TMED10: variants seen among roughly 807,000 people sequenced by gnomAD.
The protein encoded by TMED10 is transmembrane emp24 domain-containing protein 10.
Under a neutral mutation model 23.1 loss-of-function variants are expected in TMED10, and 7 were observed. The observed-to-expected ratio is 0.30, with a 90% CI of 0.17 to 0.57. TMED10 has a LOEUF of 0.57. TMED10 is among the 20% of genes least tolerant of loss of function. The pLI, the probability that TMED10 is intolerant of heterozygous loss-of-function variation, is 0.91. For missense variants in TMED10, 162 were observed against 274.8 expected (o/e 0.59, Z 2.90); for synonymous variants, 113 against 106.9 (o/e 1.06, Z -0.35).
chr14:75,147,801 A>AACCG, intron 2 of TMED10, 64 bp from the exon 3 acceptor site: 1 of 1,263,110 alleles, frequency 7.9e-7, no homozygotes, highest in South Asian at 1.3e-5. Context: ...TTACCCACCC[A>AACCG]CCCGCCCGCC....
intron 2 of TMED10, 93 bp from the exon 3 acceptor site, chr14:75,147,830 T>A (rs1434605095): frequency 3.9e-6 from 4 of 1,022,452 alleles, no homozygotes; most frequent in African/African-American, 5.6e-5. Context: ...ACAGAACCCC[T>A]ACCCTCTCAA....
intron 1 of TMED10, among the ~76,000 whole-genome samples, chr14:75,153,826 G>C (rs1373387575): frequency 7.3e-6 from 1 of 136,294 alleles, no homozygotes; most frequent in Non-Finnish European, 1.5e-5. Flanking sequence ...CTGGAGTGCA[G>C]TGGCGTGATC....
At chr14:75,142,996 T>C (rs1240059629) in intron 3 of TMED10, among the ~76,000 whole-genome samples, 13 of 152,102 alleles carry the variant, frequency 8.5e-5, no homozygotes. Flanking sequence ...GTAGCTGGGA[T>C]TACAGGCGCC....
At chr14:75,147,841 T>C (rs1895908126) in intron 2 of TMED10, 104 bp from the exon 3 acceptor site, 1 of 981,774 alleles carries the variant, frequency 1.0e-6, no homozygotes, top group Non-Finnish European at 1.4e-6. Flanking sequence ...ACCCTCTCAA[T>C]AGAGGGAAAC....
intron 1 of TMED10, among the ~76,000 whole-genome samples, chr14:75,161,698 C>T (rs1159132675): frequency 1.3e-5 from 2 of 152,016 alleles, no homozygotes; most frequent in African/African-American, 4.8e-5. Context: ...CTCTGCCCTG[C>T]CCCTAAGCAC....
At position 75,134,976 on chromosome 14, in the gene TMED10, C is replaced by G; in HGVS notation, c.569G>C (p.Ser190Thr). ...AATGAGACAGAACATTGAAAAGATG[C>G]TGAAGTATAGGACCCGAGTGTTTGT... ...ESTNTRVLYF[S>T]IFSMFCLIGL... The change falls in exon 5 of 5, where the codon AGC (serine) becomes ACC (threonine). Residue 190 changes from serine to threonine, a missense_variant. Transcript: ENST00000303575. 6.2e-7 allele frequency: 1 copy of G among 1,613,960 alleles called. No homozygotes were observed. The highest frequency in any genetic ancestry group is 8.5e-7 in the Non-Finnish European group (1 of 1,179,956).
At chr14:75,161,163 A>T (rs1896081009) in intron 1 of TMED10, among the ~76,000 whole-genome samples, 1 of 152,242 alleles carries the variant, frequency 6.6e-6, no homozygotes, top group Non-Finnish European at 1.5e-5. Context: ...CTGGGAAGAT[A>T]AACTCATTTA....
chr14:75,143,183 C>T (rs907872404), intron 3 of TMED10, among the ~76,000 whole-genome samples: 2 of 151,928 alleles, frequency 1.3e-5, no homozygotes, highest in African/African-American at 4.8e-5. Flanking sequence ...TGAGGCCCGC[C>T]GCCTAGGAGA....
At chr14:75,147,880 C>T in intron 2 of TMED10, 143 bp from the exon 3 acceptor site, 1 of 746,732 alleles carries the variant, frequency 1.3e-6, no homozygotes, top group Admixed American at 2.3e-5. Flanking sequence ...TGCTCAGTTG[C>T]AGAAAATTCC....
At chr14:75,172,286 G>A (rs910292581) in intron 1 of TMED10, among the ~76,000 whole-genome samples, 2 of 151,956 alleles carry the variant, frequency 1.3e-5, no homozygotes, top group Non-Finnish European at 1.5e-5. Context: ...ATACTATATG[G>A]ACTGGGTATC....
At chr14:75,150,668 C>T (rs1895944033) in intron 2 of TMED10, among the ~76,000 whole-genome samples, 1 of 152,148 alleles carries the variant, frequency 6.6e-6, no homozygotes, top group Non-Finnish European at 1.5e-5. Context: ...TAGGCTATAC[C>T]ATATAGCCGA....
intron 1 of TMED10, among the ~76,000 whole-genome samples, chr14:75,175,674 G>A (rs1451673085): frequency 6.6e-6 from 1 of 151,596 alleles, no homozygotes; most frequent in East Asian, 1.9e-4. Flanking sequence ...ACACCAACAC[G>A]GCACATGTAT....
intron 1 of TMED10, among the ~76,000 whole-genome samples, chr14:75,155,486 T>C (rs1896010169): frequency 6.6e-6 from 1 of 152,244 alleles, no homozygotes; most frequent in Non-Finnish European, 1.5e-5. Context: ...TGATGAAATA[T>C]GTTAATTAGC....
At chr14:75,141,388 A>C (rs182167067) in intron 3 of TMED10, among the ~76,000 whole-genome samples, 2 of 152,284 alleles carry the variant, frequency 1.3e-5, no homozygotes, top group East Asian at 3.9e-4. Flanking sequence ...TAACTGCCAC[A>C]CACTTGTGCT....
chr14:75,137,477 CCTGG>C (rs1895763843), intron 3 of TMED10, among the ~76,000 whole-genome samples: 1 of 148,086 alleles, frequency 6.8e-6, no homozygotes, highest in Non-Finnish European at 1.5e-5. Flanking sequence ...TCGAGACCAT[CCTGG>C]CTAACACGGT....
chr14:75,142,039 A>G (rs1202033021), intron 3 of TMED10, among the ~76,000 whole-genome samples: 1 of 152,218 alleles, frequency 6.6e-6, no homozygotes, highest in Non-Finnish European at 1.5e-5. Context: ...TGCTCTTGTA[A>G]GCAGTTGATT....
At chr14:75,150,705 G>A (rs1895944461) in intron 2 of TMED10, among the ~76,000 whole-genome samples, 1 of 152,120 alleles carries the variant, frequency 6.6e-6, no homozygotes. Flanking sequence ...TAACATCTAG[G>A]TTTGTGTAAG....
chr14:75,176,317 C>G (rs1475215978), intron 1 of TMED10, 38 bp downstream of exon 1: 9 of 1,610,668 alleles, frequency 5.6e-6, no homozygotes, highest in Non-Finnish European at 7.6e-6. Context: ...CTAAGCCTGC[C>G]GTCTTCCCTC....
At chr14:75,143,236 G>C (rs1336367365) in intron 3 of TMED10, among the ~76,000 whole-genome samples, 4 of 152,072 alleles carry the variant, frequency 2.6e-5, no homozygotes, top group Non-Finnish European at 5.9e-5. Flanking sequence ...ATTCTTACTG[G>C]TCATGGTAGG....
Sources: allele counts gnomAD v4.1 joint callset (sites outside exome capture counted in the v4.1 genomes callset), GRCh38; gene constraint gnomAD v4.1.1; transcripts MANE v1.5; gene names NCBI Gene and HGNC (gene_info 2026-07-23, HGNC 2026-07-21).